Variants in NAPEPLD observed in about 807,000 individuals in gnomAD.
NAPEPLD encodes the protein N-acyl phosphatidylethanolamine phospholipase D.
Under a neutral mutation model 38.1 loss-of-function variants are expected in NAPEPLD, and 23 were observed. The observed-to-expected ratio is 0.60, with a 90% CI of 0.43 to 0.86. NAPEPLD has a LOEUF of 0.86. NAPEPLD is among the 40% of genes least tolerant of loss of function. The probability of loss-of-function intolerance (pLI) is 0.00; values close to 1 mark genes in which losing one functional copy is unlikely to be tolerated. For synonymous variants in NAPEPLD, 147 were observed against 162.0 expected, an observed-to-expected ratio of 0.91 and a Z score of 0.71; for missense variants, 411 against 476.8, an observed-to-expected ratio of 0.86 and a Z score of 1.28.
At chr7:103,124,373 G>T (rs186635090) in intron 2 of NAPEPLD, among the ~76,000 whole-genome samples, 1 of 151,954 alleles carries the variant, frequency 6.6e-6, no homozygotes, top group African/African-American at 2.4e-5. Context: ...CAGGAGAACC[G>T]CTTGAACCCA....
At chr7:103,131,366 A>G (rs1348828468) in intron 1 of NAPEPLD, among the ~76,000 whole-genome samples, 8 of 152,174 alleles carry the variant, frequency 5.3e-5, no homozygotes, top group Admixed American at 5.2e-4. Flanking sequence ...GGACATAAAA[A>G]GCAAGGAAGG....
intron 1 of NAPEPLD, among the ~76,000 whole-genome samples, chr7:103,131,881 C>T (rs80109717): frequency 0.024 from 3,723 of 152,032 alleles, 100 homozygotes; most frequent in East Asian, 0.099. Flanking sequence ...TTTGGGAGGC[C>T]GAGGCGAGTG....
At chr7:103,128,307 T>G (rs1423787491) in intron 2 of NAPEPLD, 176 bp downstream of exon 2, 1 of 684,506 alleles carries the variant, frequency 1.5e-6, no homozygotes, top group Non-Finnish European at 2.4e-6. Context: ...CAGATCAGGG[T>G]TGGTTATTCC....
At chr7:103,119,528 C>A in intron 3 of NAPEPLD, 49 bp downstream of exon 3, 1 of 1,535,218 alleles carries the variant, frequency 6.5e-7, no homozygotes, top group South Asian at 1.3e-5. Context: ...CTTTTAAATT[C>A]AGTTAATTTA....
chr7:103,123,646 C>T (rs991631969), intron 2 of NAPEPLD, among the ~76,000 whole-genome samples: 70 of 152,322 alleles, frequency 4.6e-4, no homozygotes, highest in African/African-American at 1.5e-3. Context: ...CTACTGGCTA[C>T]GACCACAACA....
intron 1 of NAPEPLD, among the ~76,000 whole-genome samples, chr7:103,144,037 T>G (rs911440654): frequency 1.3e-5 from 2 of 152,192 alleles, no homozygotes; most frequent in African/African-American, 4.8e-5. Flanking sequence ...ATAATTATTA[T>G]CCTCATGCTA....
chr7:103,147,575 T>C (rs569958319), intron 1 of NAPEPLD, among the ~76,000 whole-genome samples: 1 of 152,302 alleles, frequency 6.6e-6, no homozygotes, highest in South Asian at 2.1e-4. Flanking sequence ...TTTACCAAAC[T>C]CACAAATACT....
intron 4 of NAPEPLD, among the ~76,000 whole-genome samples, chr7:103,106,649 G>A (rs1803421737): frequency 6.6e-6 from 1 of 151,830 alleles, no homozygotes; most frequent in African/African-American, 2.4e-5. Flanking sequence ...TTCAAAGTGA[G>A]CAGAGCCCAC....
In NAPEPLD at chr7:103,102,449, C is replaced by G. The variant is rs1469389014; in HGVS notation, c.*980G>C. On this transcript the variant is annotated 3_prime_UTR_variant, in exon 5 of 5. Coordinates refer to ENST00000465647, the MANE Select transcript of NAPEPLD (RefSeq NM_001122838.3). ...CTCCTGGGCTCAAGTGATCCTCCCA[C>G]CTCAGCCTCCCAAGTACCTGTGACT... 1 of 152,340 alleles carries G rather than the reference C, an allele frequency of 6.6e-6. No individual in the cohort carries two copies. Among genetic ancestry groups the G allele is most frequent in the Non-Finnish European group, 1.5e-5 (1 of 68,184 alleles). 9.4% of individuals were successfully genotyped at this position (152,340 alleles called of 1,614,324 possible). A position where few individuals can be genotyped will look rare whatever the true frequency, so the allele number is the denominator to read the frequency against.
chr7:103,103,653 G>A, intron 4 of NAPEPLD, 99 bp from the exon 5 acceptor site: 2 of 1,225,870 alleles, frequency 1.6e-6, no homozygotes, highest in Non-Finnish European at 2.2e-6. Context: ...CAGATGCCTA[G>A]TTAGAATTAG....
chr7:103,148,026 A>G, intron 1 of NAPEPLD: 2 of 984,568 alleles, frequency 2.0e-6, no homozygotes, highest in Non-Finnish European at 2.4e-6. Flanking sequence ...TGTGGGATAT[A>G]GGTAATCTTC....
At chr7:103,122,179 G>A (rs1005989604) in intron 2 of NAPEPLD, among the ~76,000 whole-genome samples, 8 of 151,306 alleles carry the variant, frequency 5.3e-5, no homozygotes, top group African/African-American at 1.7e-4. Context: ...GGGCTGAAGC[G>A]ATCTGCTTCC....
chr7:103,141,032 A>G (rs1811193315), intron 1 of NAPEPLD, among the ~76,000 whole-genome samples: 1 of 152,134 alleles, frequency 6.6e-6, no homozygotes, highest in Admixed American at 6.5e-5. Context: ...GCATTTCAGT[A>G]TTCTTGCCTC....
At chr7:103,136,206 G>A (rs1810021011) in intron 1 of NAPEPLD, among the ~76,000 whole-genome samples, 1 of 151,870 alleles carries the variant, frequency 6.6e-6, no homozygotes, top group African/African-American at 2.4e-5. Context: ...GGTGGACGTT[G>A]CAGTGGGCTG....
At chr7:103,148,096 C>T (rs1358195981) in intron 1 of NAPEPLD, 1 of 984,790 alleles carries the variant, frequency 1.0e-6, no homozygotes, top group Non-Finnish European at 1.2e-6. Flanking sequence ...TAATTCATAA[C>T]CAATGTAACT....
intron 2 of NAPEPLD, 30 bp from the exon 3 acceptor site, chr7:103,120,253 A>C: frequency 6.3e-7 from 1 of 1,576,780 alleles, no homozygotes; most frequent in Non-Finnish European, 8.6e-7. Context: ...AAGACAAAAG[A>C]GTAGTTAGAA....
At chr7:103,143,182 A>G (rs1230219457) in intron 1 of NAPEPLD, among the ~76,000 whole-genome samples, 1 of 151,972 alleles carries the variant, frequency 6.6e-6, no homozygotes, top group Non-Finnish European at 1.5e-5. Context: ...AGCCGTGATC[A>G]TGCCACTGCA....
intron 4 of NAPEPLD, among the ~76,000 whole-genome samples, chr7:103,103,947 G>C (rs1440515621): frequency 2.2e-5 from 3 of 138,220 alleles, no homozygotes; most frequent in African/African-American, 5.0e-5. Context: ...TCAAATTGTG[G>C]TGTGTGTGTG....
Position 103,110,966 on chromosome 7 carries a change from A to G in NAPEPLD, c.1056+4094T>C, listed in dbSNP as rs114931657. 3.0e-3 allele frequency among the ~76,000 whole-genome samples: 463 copies of G among 152,110 alleles called. 3 individuals are homozygous for G. The highest frequency in any genetic ancestry group is 9.8e-3 in the African/African-American group (406 of 41,536). ...AAACTCAAAAGCGAGCAGAAGACCA[A>G]TAACAGGCAAAGAGTCAAATCATGA... On this transcript the variant is annotated intron_variant, in intron 4 of 4. Transcript: ENST00000465647.
Sources: gnomAD v4.1 joint callset for allele counts (sites outside exome capture counted in the v4.1 genomes callset) on GRCh38, gnomAD v4.1.1 for gene constraint, MANE v1.5 for transcripts, NCBI Gene and HGNC (gene_info 2026-07-23, HGNC 2026-07-21) for gene names.